DPYD: variants seen among roughly 807,000 people sequenced by gnomAD.
The protein encoded by DPYD is dihydropyrimidine dehydrogenase.
A neutral mutation model predicts 116.2 loss-of-function variants in DPYD; 109 were observed. The ratio of observed to expected loss-of-function variants is 0.94; its 90% confidence interval spans 0.80 to 1.10. The LOEUF (loss-of-function observed/expected upper bound fraction) is 1.10, where lower values mean the gene tolerates loss of function less well. Among genes scored for constraint, DPYD ranks in the 50% least tolerant of loss-of-function variants. The pLI, the probability that DPYD is intolerant of heterozygous loss-of-function variation, is 0.00. For synonymous variants in DPYD, 440 were observed against 432.0 expected, an observed-to-expected ratio of 1.02 and a Z score of -0.23; for missense variants, 1,302 against 1,254.5, an observed-to-expected ratio of 1.04 and a Z score of -0.57.
chr1:97,684,074 T>A (rs1352383069), intron 7 of DPYD, among the ~76,000 whole-genome samples: 1 of 152,196 alleles, frequency 6.6e-6, no homozygotes. Flanking sequence ...TGTCTTCTGC[T>A]AGCTTTGTGG....
At chr1:97,160,669 A>G (rs1349061344) in intron 20 of DPYD, among the ~76,000 whole-genome samples, 1 of 152,150 alleles carries the variant, frequency 6.6e-6, no homozygotes, top group Non-Finnish European at 1.5e-5. Flanking sequence ...ATTGAATTTC[A>G]AAGAGAACAG....
intron 13 of DPYD, among the ~76,000 whole-genome samples, chr1:97,470,171 G>A (rs1222045725): frequency 6.6e-6 from 1 of 152,042 alleles, no homozygotes; most frequent in Non-Finnish European, 1.5e-5. Context: ...ATATGATGGG[G>A]CAGTATGGTG....
At chr1:97,583,135 A>AT (rs774032719) in intron 10 of DPYD, among the ~76,000 whole-genome samples, 1 of 151,588 alleles carries the variant, frequency 6.6e-6, no homozygotes, top group African/African-American at 2.4e-5. Context: ...CACCCCGCTA[A>AT]TTTTTTTGTA....
intron 12 of DPYD, among the ~76,000 whole-genome samples, chr1:97,519,907 C>A (rs568088072): frequency 6.6e-6 from 1 of 152,030 alleles, no homozygotes; most frequent in Non-Finnish European, 1.5e-5. Context: ...CTTGTCATTA[C>A]AGAGAAATTA....
intron 21 of DPYD, 87 bp downstream of exon 21, chr1:97,098,402 C>T (rs556768807): frequency 1.3e-5 from 20 of 1,485,136 alleles, no homozygotes; most frequent in Non-Finnish European, 1.8e-5. Flanking sequence ...ATTAGTGATA[C>T]ATTTAAGCAG....
intron 19 of DPYD, among the ~76,000 whole-genome samples, chr1:97,203,216 T>C (rs1286013745): frequency 6.6e-6 from 1 of 152,120 alleles, no homozygotes; most frequent in Admixed American, 6.6e-5. Context: ...GGTTTGCATG[T>C]AGCATTGTGC....
At chr1:97,401,560 T>G (rs1402824429) in intron 14 of DPYD, among the ~76,000 whole-genome samples, 3 of 152,110 alleles carry the variant, frequency 2.0e-5, no homozygotes, top group Non-Finnish European at 4.4e-5. Context: ...GTGATCTATC[T>G]GCCTTGGCCT....
intron 8 of DPYD, among the ~76,000 whole-genome samples, chr1:97,677,652 C>A (rs1233004463): frequency 6.6e-6 from 1 of 152,042 alleles, no homozygotes; most frequent in Non-Finnish European, 1.5e-5. Context: ...TAAGATCATA[C>A]AGACAGATAC....
chr1:97,092,841 C>T (rs201555692), intron 21 of DPYD, among the ~76,000 whole-genome samples: 2 of 146,446 alleles, frequency 1.4e-5, no homozygotes, highest in Non-Finnish European at 3.0e-5. Flanking sequence ...TCTTAGTCTT[C>T]TTATTATCAG....
chr1:97,416,096 T>C lies in DPYD; in HGVS notation c.1906-33635A>G, dbSNP rs185246021. Among the ~76,000 whole-genome samples the C allele has an allele frequency of 1.4e-4, 22 of 152,294 alleles. No homozygotes were observed. In the East Asian group the frequency reaches 3.9e-3, roughly 27 times the overall value. ...CAATAATATTAATGCTTAAGAACCA[T>C]TGATGTTTCAGTTCTCATTTGTCAG... is the stretch of plus-strand genomic sequence containing the variant. On this transcript the variant is annotated intron_variant, in intron 14 of 22. Coordinates refer to ENST00000370192, the MANE Select transcript of DPYD (RefSeq NM_000110.4).
chr1:97,693,017 G>A (rs72977714), intron 6 of DPYD, among the ~76,000 whole-genome samples: 14,345 of 151,684 alleles, frequency 0.095, 762 homozygotes, highest in Middle Eastern at 0.11. Context: ...CAAGGTATCC[G>A]CGGTGGCTCA....
intron 13 of DPYD, among the ~76,000 whole-genome samples, chr1:97,471,446 T>G (rs956269853): frequency 2.6e-5 from 4 of 152,088 alleles, no homozygotes; most frequent in Non-Finnish European, 5.9e-5. Context: ...GGTCTAAAAC[T>G]GCAACCACAC....
At chr1:97,522,810 G>A (rs1221050493) in intron 12 of DPYD, among the ~76,000 whole-genome samples, 1 of 151,758 alleles carries the variant, frequency 6.6e-6, no homozygotes, top group Non-Finnish European at 1.5e-5. Flanking sequence ...CTTTTCACAT[G>A]GCATTCCTCA....
At chr1:97,710,113 C>T (rs1453871283) in intron 5 of DPYD, among the ~76,000 whole-genome samples, 2 of 151,734 alleles carry the variant, frequency 1.3e-5, no homozygotes, top group Non-Finnish European at 3.0e-5. Context: ...GTTATTTCAT[C>T]AGTGTAGGTC....
chr1:97,128,843 T>C (rs960127678), intron 20 of DPYD, among the ~76,000 whole-genome samples: 3 of 152,204 alleles, frequency 2.0e-5, no homozygotes, highest in African/African-American at 7.2e-5. Flanking sequence ...GAAACAATAT[T>C]TGAATACTGT....
chr1:97,333,143 C>T (rs1669107076), intron 16 of DPYD, among the ~76,000 whole-genome samples: 1 of 151,484 alleles, frequency 6.6e-6, no homozygotes, highest in Admixed American at 6.6e-5. Flanking sequence ...GCAACCTCCG[C>T]CTCCCTGGTT....
chr1:97,214,621 A>G (rs181655575), intron 19 of DPYD, among the ~76,000 whole-genome samples: 16 of 152,280 alleles, frequency 1.1e-4, no homozygotes, highest in Admixed American at 9.8e-4. Context: ...TGGGTAGTGG[A>G]CTCTCCAGAA....
chr1:97,554,268 A>G (rs1427212617), intron 11 of DPYD, among the ~76,000 whole-genome samples: 1 of 152,166 alleles, frequency 6.6e-6, no homozygotes, highest in African/African-American at 2.4e-5. Context: ...TATGACAAGT[A>G]TATTTCTCAG....
At chr1:97,462,230 T>C (rs1677070643) in intron 13 of DPYD, among the ~76,000 whole-genome samples, 1 of 152,178 alleles carries the variant, frequency 6.6e-6, no homozygotes. Context: ...ATGAATAAAT[T>C]TGATTCACGG....
Sources: allele counts gnomAD v4.1 joint callset (sites outside exome capture counted in the v4.1 genomes callset), GRCh38; gene constraint gnomAD v4.1.1; transcripts MANE v1.5; gene names NCBI Gene and HGNC (gene_info 2026-07-23, HGNC 2026-07-21).